Variants in PKHD1 observed in about 807,000 individuals in gnomAD.
PKHD1 encodes the protein fibrocystin.
PKHD1 carries 291 observed loss-of-function variants against 412.0 expected under a neutral mutation model. That is an observed-to-expected ratio of 0.71 (90% CI 0.64 to 0.78). The LOEUF is 0.78. Ranked by LOEUF, PKHD1 falls within the 30% of genes least tolerant of loss-of-function variation. The pLI, the probability that PKHD1 is intolerant of heterozygous loss-of-function variation, is 0.00. For synonymous variants in PKHD1, 1,777 were observed against 1,821.5 expected (o/e 0.98, Z 0.62); for missense variants, 4,825 against 4,950.7 (o/e 0.97, Z 0.76).
intron 60 of PKHD1, among the ~76,000 whole-genome samples, chr6:51,739,460 A>G (rs1784287367): frequency 6.6e-6 from 1 of 152,072 alleles, no homozygotes; most frequent in Non-Finnish European, 1.5e-5. Context: ...CCAACTCCCA[A>G]CTTTGGGTGA....
chr6:51,643,674 GTTTGT>G (rs1161671256), intron 63 of PKHD1, among the ~76,000 whole-genome samples: 12 of 152,124 alleles, frequency 7.9e-5, no homozygotes, highest in African/African-American at 2.6e-4. Flanking sequence ...TTTGTTTTTT[GTTTGT>G]TTTAATTATT....
intron 35 of PKHD1, among the ~76,000 whole-genome samples, chr6:51,979,745 C>T (rs990528912): frequency 5.9e-5 from 9 of 152,142 alleles, no homozygotes; most frequent in African/African-American, 2.2e-4. Context: ...CCTCATCCCT[C>T]GCTTCTCCCC....
At position 51,764,507 on chromosome 6, in the gene PKHD1, G is replaced by A. The variant is rs535199021; in HGVS notation, c.8642+8195C>T. On this transcript the variant is annotated intron_variant, in intron 55 of 66. Coordinates refer to ENST00000371117, the MANE Select transcript of PKHD1 (RefSeq NM_138694.4). ...CAACCATTGTGGAAGTCAGTGTGGC[G>A]ATTCCTCAGGGATCTAGAACTAGAA... 2.6e-3 allele frequency among the ~76,000 whole-genome samples: 381 copies of A among 146,944 alleles called. 1 individual carries two copies. The highest frequency in any genetic ancestry group is 8.8e-3 in the African/African-American group (357 of 40,490).
intron 43 of PKHD1, among the ~76,000 whole-genome samples, chr6:51,895,686 G>A (rs1779798726): frequency 6.6e-6 from 1 of 152,156 alleles, no homozygotes; most frequent in Non-Finnish European, 1.5e-5. Flanking sequence ...AATAGGAACA[G>A]CTCCGGTCTA....
chr6:51,790,865 C>T (rs1035946281), intron 53 of PKHD1, among the ~76,000 whole-genome samples: 10 of 152,156 alleles, frequency 6.6e-5, no homozygotes, highest in Admixed American at 4.6e-4. Flanking sequence ...GTTAGTTGAT[C>T]AGATGATATC....
chr6:51,900,364 C>G (rs1381028365), intron 43 of PKHD1, among the ~76,000 whole-genome samples: 1 of 152,186 alleles, frequency 6.6e-6, no homozygotes, highest in Non-Finnish European at 1.5e-5. Flanking sequence ...AGAAATAACG[C>G]TGCATATCTA....
intron 43 of PKHD1, among the ~76,000 whole-genome samples, chr6:51,895,978 A>T (rs1240228477): frequency 1.3e-5 from 2 of 152,098 alleles, no homozygotes; most frequent in East Asian, 3.9e-4. Flanking sequence ...AAAACGGCAC[A>T]CCACAAGATT....
At position 52,043,174 on chromosome 6, in the gene PKHD1, C is replaced by T. The variant is rs768953527; in HGVS notation, c.2822-40G>A. 31 of 1,498,698 alleles carry T rather than the reference C, an allele frequency of 2.1e-5. No individual in the cohort carries two copies. The highest frequency in any genetic ancestry group is 2.8e-5 in the Non-Finnish European group (31 of 1,087,924). The allele number at this position is 1,498,698 out of a possible 1,614,324, so 92.8% of individuals were successfully genotyped here. A position where few individuals can be genotyped will look rare whatever the true frequency, so the allele number is the denominator to read the frequency against. On this transcript the variant is annotated intron_variant, in intron 26 of 66. Coordinates refer to ENST00000371117, the MANE Select transcript of PKHD1 (RefSeq NM_138694.4). ...GAAATTAAAAAACAAATAAAATAAT[C>T]TCTCAGTGATATTACTTCATTTGAG...
intron 37 of PKHD1, among the ~76,000 whole-genome samples, chr6:51,933,677 C>G (rs1164947393): frequency 2.6e-5 from 4 of 152,220 alleles, no homozygotes; most frequent in African/African-American, 7.2e-5. Flanking sequence ...CTATCTGGGA[C>G]AGGCTATTCT....
chr6:51,642,610 C>T (rs987707228), intron 63 of PKHD1, among the ~76,000 whole-genome samples: 6 of 152,070 alleles, frequency 3.9e-5, no homozygotes, highest in African/African-American at 9.7e-5. Flanking sequence ...GAGGCCAATA[C>T]GGGAGGATCA....
Position 52,072,138 on chromosome 6 carries a change from A to G in PKHD1, c.579T>C (p.Leu193=). 1 of 1,608,850 alleles carries G rather than the reference A, an allele frequency of 6.2e-7. No homozygotes were observed. Residue 193 remains leucine (L), a synonymous_variant, in exon 8 of 67, where the codon CTT becomes CTC. Coordinates refer to ENST00000371117, the MANE Select transcript of PKHD1 (RefSeq NM_138694.4). ...ACCAGCTTCCCATCTGCCTATTTAT[A>G]AGAGAGCAAGGAGTAACCCATTTGT... is the stretch of plus-strand genomic sequence containing the variant. ...QGDKWVTPCS[L]INRQMGSCYP...
At chr6:52,021,079 G>T (rs1042919212) in intron 33 of PKHD1, among the ~76,000 whole-genome samples, 1 of 152,150 alleles carries the variant, frequency 6.6e-6, no homozygotes, top group African/African-American at 2.4e-5. Flanking sequence ...TCTTTTAAAA[G>T]ACTTTTTTAT....
intron 55 of PKHD1, among the ~76,000 whole-genome samples, chr6:51,763,592 C>T (rs1369265336): frequency 6.6e-6 from 1 of 152,114 alleles, no homozygotes; most frequent in Non-Finnish European, 1.5e-5. Flanking sequence ...TTCAACATGA[C>T]CTAATCTGAA....
At chr6:51,682,135 A>T in intron 60 of PKHD1, 1 of 441,808 alleles carries the variant, frequency 2.3e-6, no homozygotes, top group South Asian at 1.6e-5. Context: ...TGGATGCAGC[A>T]TCTATAATAT....
intron 60 of PKHD1, among the ~76,000 whole-genome samples, chr6:51,736,000 G>A (rs550784508): frequency 5.0e-4 from 76 of 152,186 alleles, no homozygotes; most frequent in African/African-American, 1.8e-3. Flanking sequence ...TTAGGACTTG[G>A]ACAATTTACC....
chr6:51,761,834 G>T (rs1242934110), intron 55 of PKHD1, among the ~76,000 whole-genome samples: 1 of 131,194 alleles, frequency 7.6e-6, no homozygotes, highest in African/African-American at 2.5e-5. Flanking sequence ...GATAAGAAAT[G>T]AGAAAAAAAT....
chr6:51,747,987 G>C lies in PKHD1; in HGVS notation c.9629C>G (p.Ser3210Cys), dbSNP rs141081295. Residue 3210 changes from serine (S) to cysteine (C), a missense_variant, in exon 58 of 67, where the codon TCT (serine) becomes TGT (cysteine). Coordinates refer to ENST00000371117, the MANE Select transcript of PKHD1 (RefSeq NM_138694.4). ...LRNSVIVATS[S>C]SFDCIQDKVK... ...TTTGTCCTGAATGCAGTCAAAAGAAGAGCTGGTGGCCACAATGACTGAATT... is the reference window on the plus strand; with the variant it reads ...TTTGTCCTGAATGCAGTCAAAAGAACAGCTGGTGGCCACAATGACTGAATT... 7.6e-4 allele frequency: 1,220 copies of C among 1,614,094 alleles called. 37 individuals are homozygous for C. In the East Asian group the frequency reaches 0.027, roughly 35 times the overall value.
At chr6:51,717,835 A>C (rs1246839582) in intron 60 of PKHD1, among the ~76,000 whole-genome samples, 1 of 152,216 alleles carries the variant, frequency 6.6e-6, no homozygotes, top group Non-Finnish European at 1.5e-5. Flanking sequence ...ATAGTGTTAG[A>C]GAAGAAGGTA....
At position 51,659,426 on chromosome 6, in the gene PKHD1, A is replaced by C. The variant is rs760248372; in HGVS notation, c.10700T>G (p.Val3567Gly). ...GCCTTTTTCTAAGACTGAAACCATC[A>C]CAGTGAGGGCCAAGTGAATGGAAAC... ...SGVSIHLALT[V>G]MVSVLEKGWE... Residue 3567 changes from valine to glycine, a missense_variant, in exon 61 of 67, where the codon GTG becomes GGG. By Grantham distance (109) the Val-to-Gly change is moderately radical (BLOSUM62 -3). Coordinates refer to ENST00000371117, the MANE Select transcript of PKHD1 (RefSeq NM_138694.4). 6.2e-7 allele frequency: 1 copy of C among 1,613,658 alleles called. No homozygotes were observed. The highest frequency in any genetic ancestry group is 8.5e-7 in the Non-Finnish European group (1 of 1,179,838).
Sources: allele counts gnomAD v4.1 joint callset (sites outside exome capture counted in the v4.1 genomes callset), GRCh38; gene constraint gnomAD v4.1.1; transcripts MANE v1.5; gene names NCBI Gene and HGNC (gene_info 2026-07-23, HGNC 2026-07-21).